Variants in PAK1 observed in about 807,000 individuals in gnomAD.
The protein encoded by PAK1 is p21 (RAC1) activated kinase 1, also known as serine/threonine-protein kinase PAK 1.
In PAK1, 29 loss-of-function variants were observed where a neutral mutation model predicts 67.4. That is an observed-to-expected ratio of 0.43 (90% CI 0.32 to 0.59). PAK1 has a LOEUF of 0.59. Ranked by LOEUF, PAK1 falls within the 20% of genes least tolerant of loss-of-function variation. PAK1 has a pLI of 0.07. For synonymous variants in PAK1, 223 were observed against 237.4 expected, an observed-to-expected ratio of 0.94 and a Z score of 0.56; for missense variants, 337 against 670.7, an observed-to-expected ratio of 0.50 and a Z score of 5.50.
At chr11:77,360,741 ATT>A (rs1464068517) in intron 5 of PAK1, among the ~76,000 whole-genome samples, 2 of 152,140 alleles carry the variant, frequency 1.3e-5, no homozygotes, top group Admixed American at 6.6e-5. Flanking sequence ...TATTACCCAG[ATT>A]TTTACTTCTT....
chr11:77,470,195 C>T (rs1957783474), intron 1 of PAK1, among the ~76,000 whole-genome samples: 1 of 152,084 alleles, frequency 6.6e-6, no homozygotes, highest in Non-Finnish European at 1.5e-5. Context: ...CTGATTCCAC[C>T]TTGATTTTTG....
At chr11:77,330,016 A>C (rs1208046126) in intron 14 of PAK1, among the ~76,000 whole-genome samples, 1 of 152,066 alleles carries the variant, frequency 6.6e-6, no homozygotes, top group African/African-American at 2.4e-5. Flanking sequence ...CCAAATCATG[A>C]GTGAACTCCC....
At chr11:77,526,443 G>A in the PAK1 span, among the ~76,000 whole-genome samples, 1 of 152,114 alleles carries the variant, frequency 6.6e-6, no homozygotes, top group Non-Finnish European at 1.5e-5. Flanking sequence ...AGGGAGCAAA[G>A]GCATAAGAGT....
At chr11:77,399,874 A>AAG (rs1203539215) in intron 1 of PAK1, among the ~76,000 whole-genome samples, 1 of 149,558 alleles carries the variant, frequency 6.7e-6, no homozygotes, top group Non-Finnish European at 1.5e-5. Context: ...AAAAAAAAAA[A>AAG]AAAAAAAAAA....
intron 1 of PAK1, among the ~76,000 whole-genome samples, chr11:77,456,791 G>A (rs1957100345): frequency 6.6e-6 from 1 of 151,762 alleles, no homozygotes; most frequent in South Asian, 2.1e-4. Context: ...ACCCAGACTG[G>A]GGTGCAGTGG....
chr11:77,504,972 C>G, the PAK1 span, among the ~76,000 whole-genome samples: 1 of 152,176 alleles, frequency 6.6e-6, no homozygotes, highest in African/African-American at 2.4e-5. Context: ...TACTTGCCAC[C>G]AGATCACACA....
chr11:77,357,756 G>A (rs1274283885), intron 6 of PAK1, among the ~76,000 whole-genome samples: 4 of 152,072 alleles, frequency 2.6e-5, no homozygotes, highest in Non-Finnish European at 5.9e-5. Flanking sequence ...ATGCTATGAA[G>A]ATCAATTAAT....
the PAK1 span, among the ~76,000 whole-genome samples, chr11:77,521,004 T>C: frequency 2.0e-5 from 3 of 152,194 alleles, no homozygotes; most frequent in African/African-American, 7.2e-5. Context: ...TATCCATATA[T>C]GCCCTATCTT....
At chr11:77,471,306 G>C (rs1957842693) in intron 1 of PAK1, among the ~76,000 whole-genome samples, 1 of 152,170 alleles carries the variant, frequency 6.6e-6, no homozygotes, top group South Asian at 2.1e-4. Flanking sequence ...TTTTAACCCA[G>C]TGGTTCTCAA....
At position 77,456,474 on chromosome 11, in the gene PAK1, C is replaced by T. The variant is rs966107506; in HGVS notation, c.-22+17078G>A. ...TAAAAATTGGTCTAGGTGCTGAGGA[C>T]AACAAAGAAGCAAGCAGAGAAGGTC... is the stretch of plus-strand genomic sequence containing the variant. On this transcript the variant is annotated intron_variant, in intron 1 of 14. Transcript: ENST00000356341. Among the ~76,000 whole-genome samples, 4 of 152,112 alleles carry T rather than the reference C, an allele frequency of 2.6e-5. 1 individual carries two copies. The South Asian group carries it at 8.3e-4, about 32-fold the overall frequency.
intron 1 of PAK1, among the ~76,000 whole-genome samples, chr11:77,467,729 T>C (rs1019816368): frequency 6.6e-6 from 1 of 152,244 alleles, no homozygotes; most frequent in Admixed American, 6.5e-5. Flanking sequence ...TATAGCTCAG[T>C]ATCTTACAAT....
intron 10 of PAK1, among the ~76,000 whole-genome samples, chr11:77,342,653 C>T (rs183296631): frequency 5.9e-5 from 9 of 152,292 alleles, no homozygotes; most frequent in African/African-American, 1.9e-4. Flanking sequence ...AAGAAGAAGG[C>T]TTTATTCTTT....
intron 1 of PAK1, among the ~76,000 whole-genome samples, chr11:77,447,880 A>G (rs1956687668): frequency 6.6e-6 from 1 of 152,244 alleles, no homozygotes; most frequent in Non-Finnish European, 1.5e-5. Context: ...GTTGCAATTA[A>G]GGCATTAATA....
the PAK1 span, among the ~76,000 whole-genome samples, chr11:77,527,775 A>G: frequency 1.3e-5 from 2 of 152,234 alleles, no homozygotes; most frequent in Non-Finnish European, 2.9e-5. Flanking sequence ...TAATGAATCC[A>G]TGTGTTCATT....
At chr11:77,386,291 G>A (rs1297503003) in intron 2 of PAK1, among the ~76,000 whole-genome samples, 3 of 152,180 alleles carry the variant, frequency 2.0e-5, no homozygotes, top group Non-Finnish European at 4.4e-5. Context: ...GCAGTAAAAC[G>A]TTCCAAACTT....
At chr11:77,460,253 T>TCAGC (rs895128056) in intron 1 of PAK1, among the ~76,000 whole-genome samples, 2 of 136,746 alleles carry the variant, frequency 1.5e-5, no homozygotes, top group Non-Finnish European at 3.2e-5. Flanking sequence ...AGGGAGGGAG[T>TCAGC]CAGCCAGCCA....
the PAK1 span, among the ~76,000 whole-genome samples, chr11:77,479,985 A>C: frequency 6.6e-6 from 1 of 152,186 alleles, no homozygotes; most frequent in Non-Finnish European, 1.5e-5. Flanking sequence ...CAGAATTTCT[A>C]TCAGGAGAAA....
At chr11:77,329,047 A>G in intron 14 of PAK1, 1 of 152,256 alleles carries the variant, frequency 6.6e-6, no homozygotes, top group East Asian at 1.9e-4. Context: ...AAATGGATAA[A>G]TTCCTCGACA....
intron 6 of PAK1, chr11:77,356,088 A>G: frequency 2.9e-6 from 1 of 346,108 alleles, no homozygotes. Context: ...AATAGAGGCT[A>G]GACAACTATC....
Sources: allele counts gnomAD v4.1 joint callset (sites outside exome capture counted in the v4.1 genomes callset), GRCh38; gene constraint gnomAD v4.1.1; transcripts MANE v1.5; gene names NCBI Gene and HGNC (gene_info 2026-07-23, HGNC 2026-07-21).